KCNB2: variants seen among roughly 807,000 people sequenced by gnomAD.
KCNB2 encodes potassium voltage-gated channel subfamily B member 2.
Under a neutral mutation model 61.5 loss-of-function variants are expected in KCNB2, and 15 were observed. That is an observed-to-expected ratio of 0.24 (90% CI 0.16 to 0.38). The LOEUF (loss-of-function observed/expected upper bound fraction) is 0.38. Ranked by LOEUF, KCNB2 falls within the 10% of genes least tolerant of loss-of-function variation. The pLI, the probability that KCNB2 is intolerant of heterozygous loss-of-function variation, is 1.00. For synonymous variants in KCNB2, 457 were observed against 446.0 expected (o/e 1.02, Z -0.31); for missense variants, 828 against 1,125.2 (o/e 0.74, Z 3.78).
At chr8:72,583,475 A>C (rs199981875) in intron 2 of KCNB2, among the ~76,000 whole-genome samples, 43 of 151,402 alleles carry the variant, frequency 2.8e-4, no homozygotes, top group South Asian at 1.3e-3. Context: ...CAAAAAAAAA[A>C]CAAAAAAAAA....
chr8:72,931,507 C>G (rs1585984018), intron 2 of KCNB2, among the ~76,000 whole-genome samples: 2 of 152,156 alleles, frequency 1.3e-5, no homozygotes, highest in Non-Finnish European at 2.9e-5. Flanking sequence ...TTGAAGACGT[C>G]CTTCACATCC....
chr8:72,566,630 C>T (rs1170913232), intron 1 of KCNB2, among the ~76,000 whole-genome samples: 2 of 151,368 alleles, frequency 1.3e-5, no homozygotes, highest in Non-Finnish European at 2.9e-5. Flanking sequence ...TCACTTGAGC[C>T]CAGGAGGCAG....
At chr8:72,662,838 C>T (rs529124110) in intron 2 of KCNB2, among the ~76,000 whole-genome samples, 1 of 152,284 alleles carries the variant, frequency 6.6e-6, no homozygotes, top group African/African-American at 2.4e-5. Flanking sequence ...GTGAGATTTT[C>T]ATAATCCATA....
intron 2 of KCNB2, among the ~76,000 whole-genome samples, chr8:72,783,907 CTGTT>C (rs1022562079): frequency 2.6e-5 from 4 of 152,042 alleles, no homozygotes; most frequent in African/African-American, 9.7e-5. Context: ...ACCTGAAAGG[CTGTT>C]TGTTGTTTTC....
chr8:72,542,259 A>T (rs1366751435), intron 1 of KCNB2, among the ~76,000 whole-genome samples: 3 of 152,170 alleles, frequency 2.0e-5, no homozygotes, highest in Non-Finnish European at 4.4e-5. Context: ...TCAAATATTT[A>T]GACATATCCT....
intron 2 of KCNB2, among the ~76,000 whole-genome samples, chr8:72,749,700 A>T (rs1424680365): frequency 6.9e-6 from 1 of 145,918 alleles, no homozygotes; most frequent in African/African-American, 2.5e-5. Context: ...TATTTGGCGT[A>T]TACAAAAAAG....
intron 2 of KCNB2, among the ~76,000 whole-genome samples, chr8:72,935,207 C>G (rs1308477929): frequency 1.3e-5 from 2 of 152,176 alleles, no homozygotes; most frequent in East Asian, 3.9e-4. Flanking sequence ...CTAAGCTGTT[C>G]CTCTTTCCTT....
chr8:72,789,556 G>A (rs1808901901), intron 2 of KCNB2, among the ~76,000 whole-genome samples: 1 of 152,144 alleles, frequency 6.6e-6, no homozygotes, highest in East Asian at 1.9e-4. Context: ...AAGCCGTGAA[G>A]GAACACAGCT....
chr8:72,566,021 G>T (rs565124751), intron 1 of KCNB2, among the ~76,000 whole-genome samples: 1 of 152,236 alleles, frequency 6.6e-6, no homozygotes, highest in South Asian at 2.1e-4. Flanking sequence ...TTCTCTAGAA[G>T]GTGAGGTTTG....
intron 2 of KCNB2, among the ~76,000 whole-genome samples, chr8:72,902,859 A>G (rs568127361): frequency 3.0e-4 from 46 of 152,284 alleles, no homozygotes; most frequent in African/African-American, 1.1e-3. Flanking sequence ...TTTTTCCTCC[A>G]TCTGTGAAGA....
At chr8:72,755,498 T>G (rs936343642) in intron 2 of KCNB2, among the ~76,000 whole-genome samples, 1 of 152,208 alleles carries the variant, frequency 6.6e-6, no homozygotes, top group Non-Finnish European at 1.5e-5. Flanking sequence ...ATAAAGTTTA[T>G]TTTCTAAAAT....
chr8:72,765,604 T>G (rs569465747), intron 2 of KCNB2, among the ~76,000 whole-genome samples: 2 of 152,354 alleles, frequency 1.3e-5, no homozygotes, highest in South Asian at 4.1e-4. Context: ...AAATAGTCAC[T>G]TTCAAGATGA....
chr8:72,605,769 A>C (rs1356841999), intron 2 of KCNB2, among the ~76,000 whole-genome samples: 1 of 152,204 alleles, frequency 6.6e-6, no homozygotes, highest in East Asian at 1.9e-4. Flanking sequence ...AAATATTCTA[A>C]TGGTGGCAGG....
intron 2 of KCNB2, among the ~76,000 whole-genome samples, chr8:72,820,986 A>G (rs1289121153): frequency 1.3e-5 from 2 of 152,122 alleles, no homozygotes; most frequent in South Asian, 2.1e-4. Flanking sequence ...GTAATCTGCT[A>G]AAGTTTTTTT....
intron 2 of KCNB2, among the ~76,000 whole-genome samples, chr8:72,581,959 C>A (rs1806905080): frequency 6.6e-6 from 1 of 152,160 alleles, no homozygotes; most frequent in African/African-American, 2.4e-5. Flanking sequence ...GGATAGGCAG[C>A]CCTTCTACCA....
chr8:72,772,732 T>C (rs2128997292), intron 2 of KCNB2, among the ~76,000 whole-genome samples: 1 of 152,320 alleles, frequency 6.6e-6, no homozygotes, highest in African/African-American at 2.4e-5. Context: ...ACATGTGATT[T>C]ACAAGGTGAT....
chr8:72,869,207 A>G (rs1000510596), intron 2 of KCNB2, among the ~76,000 whole-genome samples: 2 of 152,226 alleles, frequency 1.3e-5, no homozygotes, highest in African/African-American at 2.4e-5. Flanking sequence ...TGGCCTTGAG[A>G]GGCAGAGAAA....
At chr8:72,754,170 G>T (rs1343182669) in intron 2 of KCNB2, among the ~76,000 whole-genome samples, 4 of 152,136 alleles carry the variant, frequency 2.6e-5, no homozygotes, top group Admixed American at 6.5e-5. Flanking sequence ...AAAATAAATT[G>T]TAACAGGCCA....
chr8:72,567,870 C>A lies in KCNB2; in HGVS notation c.136C>A (p.His46Asn), dbSNP rs1452697182. Residue 46 changes from histidine (H) to asparagine (N), a missense_variant, in exon 2 of 3, where the codon CAC becomes AAC. His to Asn is a moderately conservative substitution (Grantham distance 68). Transcript: ENST00000523207. ...TAAGATCAATGTGGGGGGCCTCAAC[C>A]ACGAAGTCCTGTGGAGAACGCTGGA... ...RVKINVGGLN[H>N]EVLWRTLDRL... The A allele has an allele frequency of 6.2e-7, 1 of 1,614,086 alleles. No homozygotes were observed. Among genetic ancestry groups the A allele is most frequent in the South Asian group, 1.1e-5 (1 of 91,074 alleles).
Sources: allele counts gnomAD v4.1 joint callset (sites outside exome capture counted in the v4.1 genomes callset), GRCh38; gene constraint gnomAD v4.1.1; transcripts MANE v1.5; gene names NCBI Gene and HGNC (gene_info 2026-07-23, HGNC 2026-07-21).